The following MYO16 variants were observed in gnomAD, a reference collection of about 807,000 sequenced individuals.
MYO16 encodes the protein myosin XVI.
A neutral mutation model predicts 205.3 loss-of-function variants in MYO16; 94 were observed. The observed-to-expected ratio is 0.46, with a 90% CI of 0.39 to 0.54. The LOEUF is 0.54. Among genes scored for constraint, MYO16 ranks in the 20% least tolerant of loss-of-function variants. The pLI is 0.00. For synonymous variants in MYO16, 988 were observed against 954.0 expected, an observed-to-expected ratio of 1.04 and a Z score of -0.66; for missense variants, 2,315 against 2,387.5, an observed-to-expected ratio of 0.97 and a Z score of 0.63.
At chr13:108,684,807 T>C (rs987480049) in intron 2 of MYO16, among the ~76,000 whole-genome samples, 3 of 152,184 alleles carry the variant, frequency 2.0e-5, no homozygotes, top group African/African-American at 4.8e-5. Context: ...CCCGGATTAC[T>C]GAACACACTG....
the MYO16 span, among the ~76,000 whole-genome samples, chr13:108,564,701 G>T: frequency 2.0e-5 from 3 of 152,166 alleles, no homozygotes; most frequent in African/African-American, 7.2e-5. Context: ...TACGCTTGTA[G>T]AATATTACTC....
chr13:108,990,835 A>G (rs1385651328), intron 20 of MYO16, among the ~76,000 whole-genome samples: 3 of 152,158 alleles, frequency 2.0e-5, no homozygotes, highest in African/African-American at 7.2e-5. Context: ...TAGAGAAAAA[A>G]TGGTCATTGA....
intron 33 of MYO16, among the ~76,000 whole-genome samples, chr13:109,170,842 CAT>C (rs1202354462): frequency 2.6e-5 from 4 of 152,126 alleles, no homozygotes; most frequent in Non-Finnish European, 5.9e-5. Flanking sequence ...GCATGTAACA[CAT>C]AGTGTGTACG....
intron 33 of MYO16, among the ~76,000 whole-genome samples, chr13:109,178,361 A>T (rs868057084): frequency 6.6e-6 from 1 of 152,172 alleles, no homozygotes; most frequent in Non-Finnish European, 1.5e-5. Context: ...GTATCTGGAC[A>T]TGTAACAAGA....
At chr13:109,018,636 A>G (rs550041723) in intron 22 of MYO16, among the ~76,000 whole-genome samples, 5 of 152,274 alleles carry the variant, frequency 3.3e-5, no homozygotes, top group African/African-American at 1.2e-4. Context: ...GAAGCATGGG[A>G]TATAATCTCC....
At chr13:108,529,404 A>G in the MYO16 span, among the ~76,000 whole-genome samples, 1 of 150,924 alleles carries the variant, frequency 6.6e-6, no homozygotes, top group African/African-American at 2.4e-5. Context: ...CTTTAAAGCC[A>G]TTTTTTTTTA....
intron 2 of MYO16, among the ~76,000 whole-genome samples, chr13:108,675,644 T>C (rs186516381): frequency 3.9e-5 from 6 of 152,240 alleles, no homozygotes; most frequent in African/African-American, 1.2e-4. Context: ...TGGGGTGAGG[T>C]AGGATGACAC....
intron 5 of MYO16, among the ~76,000 whole-genome samples, chr13:108,790,499 C>T (rs1391418558): frequency 2.0e-5 from 3 of 151,976 alleles, no homozygotes; most frequent in Non-Finnish European, 4.4e-5. Flanking sequence ...TTTCAAAAAA[C>T]AATACGAAAA....
chr13:108,784,975 A>G (rs1010508790), intron 4 of MYO16, among the ~76,000 whole-genome samples: 8 of 152,218 alleles, frequency 5.3e-5, no homozygotes, highest in South Asian at 2.1e-4. Flanking sequence ...GGTGAAACAG[A>G]GTGCCCAGAG....
At position 109,052,674 on chromosome 13, in the gene MYO16, T is replaced by C. The variant is rs139617405; in HGVS notation, c.3048+199T>C. ...AGAGGAAGGTGCAGCAGAGTGACAA[T>C]TTTAATAGTAAGTATAGTCCGAGTC... On this transcript the variant is annotated intron_variant, in intron 25 of 34. Coordinates refer to ENST00000457511, the MANE Select transcript of MYO16 (RefSeq NM_001198950.3). Among the ~76,000 whole-genome samples the C allele has an allele frequency of 9.3e-3, 1,408 of 152,148 alleles. 8 individuals carry two copies. The highest frequency in any genetic ancestry group is 0.012 in the Non-Finnish European group (789 of 67,960).
intron 1 of MYO16, among the ~76,000 whole-genome samples, chr13:108,606,602 A>G (rs1435328059): frequency 1.3e-5 from 2 of 152,240 alleles, no homozygotes; most frequent in Non-Finnish European, 2.9e-5. Context: ...AAATGCCTGG[A>G]TATCCAGGTA....
At chr13:109,050,582 A>C (rs1229607312) in intron 24 of MYO16, among the ~76,000 whole-genome samples, 2 of 152,174 alleles carry the variant, frequency 1.3e-5, no homozygotes, top group East Asian at 3.8e-4. Flanking sequence ...TTTACCCATT[A>C]GTTTTACATG....
chr13:109,073,268 ATTT>A (rs5806778), intron 27 of MYO16, among the ~76,000 whole-genome samples: 60 of 146,344 alleles, frequency 4.1e-4, no homozygotes, highest in Middle Eastern at 6.9e-3. Flanking sequence ...CTCCTGGCTA[ATTT>A]TTTTTTTTTT....
intron 4 of MYO16, among the ~76,000 whole-genome samples, chr13:108,749,030 C>A (rs143198424): frequency 1.9e-4 from 29 of 151,910 alleles, no homozygotes; most frequent in Admixed American, 5.2e-4. Flanking sequence ...TTCAGTTTGG[C>A]AGGGTTTTTT....
chr13:108,994,474 C>T lies in MYO16; in HGVS notation c.2442+2026C>T, dbSNP rs190208196. ...GATAAGTACAAATCTCATCTTTTGACGAGTGCAAATTTGCATGTAATTTTT... is the reference window on the plus strand; with the variant it reads ...GATAAGTACAAATCTCATCTTTTGATGAGTGCAAATTTGCATGTAATTTTT... On this transcript the variant is annotated intron_variant, in intron 21 of 34. Transcript: ENST00000457511. Among the ~76,000 whole-genome samples, 45 of 152,098 alleles carry T rather than the reference C, an allele frequency of 3.0e-4. No individual in the cohort carries two copies. The Middle Eastern group carries it at 0.014, about 46-fold the overall frequency.
intron 34 of MYO16, among the ~76,000 whole-genome samples, chr13:109,194,366 CT>C (rs560909853): frequency 7.2e-4 from 110 of 152,306 alleles, no homozygotes; most frequent in African/African-American, 2.4e-3. Context: ...GACTCTACCA[CT>C]TTCTAGCCAA....
chr13:109,050,949 G>C (rs1018789153), intron 24 of MYO16, among the ~76,000 whole-genome samples: 1 of 151,636 alleles, frequency 6.6e-6, no homozygotes, highest in Admixed American at 6.6e-5. Flanking sequence ...TCTAGAATCA[G>C]ACATTTGTTC....
At chr13:109,087,937 C>T (rs934274685) in intron 27 of MYO16, among the ~76,000 whole-genome samples, 2 of 152,122 alleles carry the variant, frequency 1.3e-5, no homozygotes, top group Non-Finnish European at 2.9e-5. Context: ...TTCAGTTTAA[C>T]GAAACAAGCT....
intron 12 of MYO16, among the ~76,000 whole-genome samples, chr13:108,877,995 A>C (rs9559432): frequency 0.11 from 16,362 of 151,606 alleles, 891 homozygotes; most frequent in Middle Eastern, 0.13. Flanking sequence ...ATTTTTAAAC[A>C]TGCTACAGAA....
Sources: allele counts gnomAD v4.1 joint callset (sites outside exome capture counted in the v4.1 genomes callset), GRCh38; gene constraint gnomAD v4.1.1; transcripts MANE v1.5; gene names NCBI Gene and HGNC (gene_info 2026-07-23, HGNC 2026-07-21).